KHDRBS2: variants seen among roughly 807,000 people sequenced by gnomAD.
The protein encoded by KHDRBS2 is KH domain-containing, RNA-binding, signal transduction-associated protein 2.
In KHDRBS2, 26 loss-of-function variants were observed where a neutral mutation model predicts 44.3. The ratio of observed to expected loss-of-function variants is 0.59; its 90% confidence interval spans 0.43 to 0.81. The LOEUF (loss-of-function observed/expected upper bound fraction) is 0.81, where lower values mean the gene tolerates loss of function less well. Among genes scored for constraint, KHDRBS2 ranks in the 40% least tolerant of loss-of-function variants. The probability of loss-of-function intolerance (pLI) is 0.00; values close to 1 mark genes in which losing one functional copy is unlikely to be tolerated. For synonymous variants in KHDRBS2, 194 were observed against 151.1 expected (o/e 1.28, Z -2.08); for missense variants, 476 against 433.1 (o/e 1.10, Z -0.88).
At chr6:61,610,073 G>A in the KHDRBS2 span, among the ~76,000 whole-genome samples, 1 of 152,086 alleles carries the variant, frequency 6.6e-6, no homozygotes, top group Non-Finnish European at 1.5e-5. Flanking sequence ...CTACTCGGGA[G>A]GCTGAGGCAG....
intron 3 of KHDRBS2, among the ~76,000 whole-genome samples, chr6:62,047,636 C>T (rs2127307024): frequency 6.6e-6 from 1 of 151,802 alleles, no homozygotes; most frequent in Non-Finnish European, 1.5e-5. Context: ...TGACAGCAAC[C>T]TACACAAAGG....
At chr6:62,107,209 A>C (rs569871510) in intron 2 of KHDRBS2, among the ~76,000 whole-genome samples, 85 of 152,240 alleles carry the variant, frequency 5.6e-4, no homozygotes, top group African/African-American at 1.7e-3. Flanking sequence ...GTCTCAGCCC[A>C]AAATCTCCTT....
the KHDRBS2 span, among the ~76,000 whole-genome samples, chr6:61,648,040 G>T: frequency 2.6e-5 from 4 of 151,792 alleles, no homozygotes; most frequent in South Asian, 8.3e-4. Context: ...TCACAAAGGG[G>T]GGTTCTAATT....
chr6:62,236,424 G>A (rs1448767421), intron 1 of KHDRBS2, among the ~76,000 whole-genome samples: 1 of 151,802 alleles, frequency 6.6e-6, no homozygotes, highest in Non-Finnish European at 1.5e-5. Flanking sequence ...GAGAATTAGA[G>A]GGTTTTAGGT....
At chr6:61,660,447 G>T in the KHDRBS2 span, among the ~76,000 whole-genome samples, 1 of 151,600 alleles carries the variant, frequency 6.6e-6, no homozygotes, top group East Asian at 1.9e-4. Flanking sequence ...GTTCTTTTAA[G>T]AAAAAATTCC....
the KHDRBS2 span, among the ~76,000 whole-genome samples, chr6:61,570,517 T>A: frequency 6.6e-6 from 1 of 152,148 alleles, no homozygotes; most frequent in Non-Finnish European, 1.5e-5. Context: ...GAGGAAAACT[T>A]CTTTGACCTT....
chr6:61,647,377 G>A, the KHDRBS2 span, among the ~76,000 whole-genome samples: 6 of 151,946 alleles, frequency 3.9e-5, no homozygotes, highest in Admixed American at 6.6e-5. Flanking sequence ...AACAGATATC[G>A]ACAAGTCAAA....
At chr6:62,233,955 A>G (rs1312348457) in intron 1 of KHDRBS2, among the ~76,000 whole-genome samples, 5 of 151,554 alleles carry the variant, frequency 3.3e-5, no homozygotes, top group African/African-American at 1.2e-4. Context: ...ATATGTGTGC[A>G]TGTGTCTTGG....
chr6:62,222,324 T>C (rs894269188), intron 1 of KHDRBS2, among the ~76,000 whole-genome samples: 4 of 151,272 alleles, frequency 2.6e-5, no homozygotes, highest in African/African-American at 9.7e-5. Flanking sequence ...TACCCAAGAC[T>C]GGGGAGAAAA....
intron 1 of KHDRBS2, among the ~76,000 whole-genome samples, chr6:62,189,660 G>A (rs1824189835): frequency 6.6e-6 from 1 of 152,118 alleles, no homozygotes; most frequent in Non-Finnish European, 1.5e-5. Context: ...GAAGGATAAA[G>A]TGTTAGAGGT....
At chr6:61,565,998 GGTGTGTGT>G in the KHDRBS2 span, among the ~76,000 whole-genome samples, 75 of 148,966 alleles carry the variant, frequency 5.0e-4, no homozygotes, top group African/African-American at 1.5e-3. Context: ...AAGAAAATGT[GGTGTGTGT>G]GTGTGTGTGT....
At chr6:61,543,347 G>T in the KHDRBS2 span, among the ~76,000 whole-genome samples, 2 of 152,010 alleles carry the variant, frequency 1.3e-5, no homozygotes, top group South Asian at 4.2e-4. Flanking sequence ...GTGGAAAATA[G>T]ATATATGTAG....
rs542968324 is a variant in KHDRBS2 at position 61,946,830 on chromosome 6, C to G, written c.483+31236G>C. 2.6e-5 allele frequency among the ~76,000 whole-genome samples: 4 copies of G among 152,274 alleles called. No individual in the cohort carries two copies. In the South Asian group the frequency reaches 8.3e-4, roughly 32 times the overall value. On this transcript the variant is annotated intron_variant, in intron 4 of 8. Transcript: ENST00000281156. Reference sequence around the variant, plus strand: ...ACAAATGCATGAAATATCCAGACCTCTCTCTTTCTTCTGACTATCTGCTAT... The same window carrying G: ...ACAAATGCATGAAATATCCAGACCTGTCTCTTTCTTCTGACTATCTGCTAT...
intron 1 of KHDRBS2, among the ~76,000 whole-genome samples, chr6:62,246,377 A>G (rs1336257562): frequency 1.3e-5 from 2 of 151,952 alleles, no homozygotes; most frequent in African/African-American, 4.8e-5. Flanking sequence ...GAGATACTCT[A>G]TAAGAAAAAC....
chr6:61,698,899 G>A (rs1305329833), intron 7 of KHDRBS2, among the ~76,000 whole-genome samples: 1 of 152,046 alleles, frequency 6.6e-6, no homozygotes, highest in Non-Finnish European at 1.5e-5. Context: ...TGTCACTTAT[G>A]AGAGATTTCC....
intron 3 of KHDRBS2, among the ~76,000 whole-genome samples, chr6:62,012,719 T>G (rs1780526100): frequency 6.6e-6 from 1 of 152,144 alleles, no homozygotes; most frequent in African/African-American, 2.4e-5. Flanking sequence ...GCTTAGTACC[T>G]CAGCTTCATT....
intron 3 of KHDRBS2, among the ~76,000 whole-genome samples, chr6:62,011,129 G>A (rs193008236): frequency 1.3e-5 from 2 of 152,064 alleles, no homozygotes; most frequent in Admixed American, 1.3e-4. Context: ...CGTACAAACA[G>A]GTTGGTGTGA....
the KHDRBS2 span, among the ~76,000 whole-genome samples, chr6:61,543,097 C>CAAA: frequency 6.6e-6 from 1 of 151,770 alleles, no homozygotes; most frequent in East Asian, 1.9e-4. Context: ...GCAACCAAAG[C>CAAA]AAAAATGGAC....
intron 6 of KHDRBS2, among the ~76,000 whole-genome samples, chr6:61,822,116 G>C (rs1790011020): frequency 6.6e-6 from 1 of 151,978 alleles, no homozygotes; most frequent in Non-Finnish European, 1.5e-5. Flanking sequence ...CCAGGTGTAT[G>C]GTTCCAAACC....
Sources: allele counts gnomAD v4.1 joint callset (sites outside exome capture counted in the v4.1 genomes callset), GRCh38; gene constraint gnomAD v4.1.1; transcripts MANE v1.5; gene names NCBI Gene and HGNC (gene_info 2026-07-23, HGNC 2026-07-21).